The following GRM7 variants were observed in gnomAD, a reference collection of about 807,000 sequenced individuals.
GRM7 encodes the protein metabotropic glutamate receptor 7.
A neutral mutation model predicts 84.5 loss-of-function variants in GRM7; 35 were observed. The observed-to-expected ratio is 0.41, with a 90% confidence interval of 0.32 to 0.55. The LOEUF (loss-of-function observed/expected upper bound fraction) is 0.55, where lower values mean the gene tolerates loss of function less well. GRM7 is among the 20% of genes least tolerant of loss of function. GRM7 has a pLI of 0.19. For missense variants in GRM7, 1,003 were observed against 1,194.6 expected (o/e 0.84, Z 2.36); for synonymous variants, 487 against 455.1 (o/e 1.07, Z -0.89).
At chr3:7,485,407 A>G (rs549602146) in intron 7 of GRM7, among the ~76,000 whole-genome samples, 21 of 152,214 alleles carry the variant, frequency 1.4e-4, no homozygotes, top group Non-Finnish European at 2.9e-4. Context: ...AGATTCATCA[A>G]GTTGGAGAAG....
At chr3:6,996,486 T>A (rs1262836660) in intron 1 of GRM7, among the ~76,000 whole-genome samples, 1 of 152,196 alleles carries the variant, frequency 6.6e-6, no homozygotes, top group Non-Finnish European at 1.5e-5. Flanking sequence ...AACTCCAGCA[T>A]CCTGTGATCC....
At position 7,116,321 on chromosome 3, in the gene GRM7, C is replaced by T. The variant is rs80278257; in HGVS notation, c.520-30131C>T. Among the ~76,000 whole-genome samples, 590 of 152,160 alleles carry T rather than the reference C, an allele frequency of 3.9e-3. 5 individuals are homozygous for T. Among genetic ancestry groups the T allele is most frequent in the African/African-American group, 0.014 (566 of 41,536 alleles). ...CAACTGAGGTGCAGCTATATGGATC[C>T]AAGTTCATTATTTCCAAGCACCATT... On this transcript the variant is annotated intron_variant, in intron 1 of 9. Coordinates refer to ENST00000357716, the MANE Select transcript of GRM7 (RefSeq NM_000844.4).
chr3:6,972,423 C>T (rs1693795161), intron 1 of GRM7, among the ~76,000 whole-genome samples: 1 of 152,130 alleles, frequency 6.6e-6, no homozygotes, highest in Non-Finnish European at 1.5e-5. Flanking sequence ...AAATGTCTTT[C>T]TTGCAGGGTG....
chr3:7,494,332 C>G (rs1422269018), intron 7 of GRM7, among the ~76,000 whole-genome samples: 9 of 152,206 alleles, frequency 5.9e-5, no homozygotes, highest in Non-Finnish European at 1.3e-4. Context: ...AGGAAATATA[C>G]TGTCAAGTAA....
intron 2 of GRM7, among the ~76,000 whole-genome samples, chr3:7,185,431 AC>A (rs1695482771): frequency 6.6e-6 from 1 of 152,112 alleles, no homozygotes; most frequent in Non-Finnish European, 1.5e-5. Context: ...GACAATCTAT[AC>A]CCAAGTCTAA....
chr3:7,549,964 T>C (rs1183762002), intron 7 of GRM7, among the ~76,000 whole-genome samples: 10 of 152,238 alleles, frequency 6.6e-5, no homozygotes. Context: ...CCAGTATCAC[T>C]GCTGCTCTTT....
chr3:7,397,594 A>G (rs1695263211), intron 4 of GRM7, among the ~76,000 whole-genome samples: 4 of 152,176 alleles, frequency 2.6e-5, no homozygotes, highest in Non-Finnish European at 5.9e-5. Flanking sequence ...TAAATGCTTA[A>G]GGTAATGCAC....
intron 9 of GRM7, among the ~76,000 whole-genome samples, chr3:7,694,711 C>T (rs1364246242): frequency 6.6e-6 from 1 of 152,156 alleles, no homozygotes; most frequent in African/African-American, 2.4e-5. Context: ...ATACATTCAA[C>T]ATTTTCACCA....
At chr3:7,293,034 C>CAA (rs142561309) in intron 2 of GRM7, among the ~76,000 whole-genome samples, 20,512 of 120,296 alleles carry the variant, frequency 0.17, 2,017 homozygotes, top group Non-Finnish European at 0.25. Flanking sequence ...GACTTGGTCT[C>CAA]AAAAAAAAAA....
At chr3:7,283,334 G>T (rs557732937) in intron 2 of GRM7, among the ~76,000 whole-genome samples, 1 of 152,138 alleles carries the variant, frequency 6.6e-6, no homozygotes, top group South Asian at 2.1e-4. Flanking sequence ...TAGATAATGC[G>T]TATAAAGTAG....
At chr3:7,413,225 A>G (rs894923816) in intron 4 of GRM7, among the ~76,000 whole-genome samples, 3 of 152,164 alleles carry the variant, frequency 2.0e-5, no homozygotes, top group African/African-American at 7.2e-5. Flanking sequence ...CAGAAGCTCC[A>G]TAGCCATTAA....
Position 6,886,950 on chromosome 3 carries a change from C to T in GRM7, c.519+25043C>T, listed in dbSNP as rs529226759. ...GCAAGATTGAGTACTTTGCTTAACCCGTGAACTCAGGTCAGAATTACTCCA... is the reference window on the plus strand; with the variant it reads ...GCAAGATTGAGTACTTTGCTTAACCTGTGAACTCAGGTCAGAATTACTCCA... On this transcript the variant is annotated intron_variant, in intron 1 of 9. Transcript: ENST00000357716. 7.9e-5 allele frequency among the ~76,000 whole-genome samples: 12 copies of T among 151,812 alleles called. No individual in the cohort carries two copies. The South Asian group carries it at 8.3e-4, about 11-fold the overall frequency.
intron 2 of GRM7, among the ~76,000 whole-genome samples, chr3:7,168,048 T>C (rs1268088848): frequency 6.8e-6 from 1 of 146,308 alleles, no homozygotes; most frequent in Non-Finnish European, 1.5e-5. Context: ...AATTAAAGTC[T>C]GAGACTCACT....
chr3:6,913,518 A>G (rs1268314000), intron 1 of GRM7, among the ~76,000 whole-genome samples: 1 of 152,176 alleles, frequency 6.6e-6, no homozygotes, highest in African/African-American at 2.4e-5. Context: ...AACTTTGCCA[A>G]TTTGATGTAC....
chr3:6,979,485 G>A (rs535627653), intron 1 of GRM7, among the ~76,000 whole-genome samples: 1 of 152,270 alleles, frequency 6.6e-6, no homozygotes, highest in East Asian at 1.9e-4. Context: ...GGCAATCATA[G>A]TAATGCACGT....
chr3:7,645,561 A>AAG (rs1698592522), intron 8 of GRM7, among the ~76,000 whole-genome samples: 1 of 150,788 alleles, frequency 6.6e-6, no homozygotes, highest in Admixed American at 6.6e-5. Context: ...AAAAAAAAAA[A>AAG]AAAAAAAAAA....
At position 7,612,304 on chromosome 3, in the gene GRM7, A is replaced by C. The variant is rs112209620; in HGVS notation, c.2451+32947A>C. ...GGCAACAATAGTAACTACTTCCTGG[A>C]GTTTATGTTCAGAATTAAATTGAGA... On this transcript the variant is annotated intron_variant, in intron 8 of 9. Coordinates refer to ENST00000357716, the MANE Select transcript of GRM7 (RefSeq NM_000844.4). Among the ~76,000 whole-genome samples the C allele has an allele frequency of 6.2e-4, 94 of 152,226 alleles. 2 individuals carry two copies. The highest frequency in any genetic ancestry group is 2.1e-3 in the African/African-American group (86 of 41,550).
intron 8 of GRM7, among the ~76,000 whole-genome samples, chr3:7,580,813 T>C (rs1220367879): frequency 1.3e-5 from 2 of 152,166 alleles, no homozygotes; most frequent in Admixed American, 1.3e-4. Context: ...TTGAATATCA[T>C]TTTATTTCTT....
chr3:7,607,165 G>A (rs754248111), intron 8 of GRM7: 1 of 152,012 alleles, frequency 6.6e-6, no homozygotes, highest in Non-Finnish European at 1.5e-5. Context: ...CAGGTCTCAG[G>A]GCTGTTTCTG....
Sources: gnomAD v4.1 joint callset for allele counts (sites outside exome capture counted in the v4.1 genomes callset) on GRCh38, gnomAD v4.1.1 for gene constraint, MANE v1.5 for transcripts, NCBI Gene and HGNC (gene_info 2026-07-23, HGNC 2026-07-21) for gene names.